The following CCDC148 variants were observed in gnomAD, a reference collection of about 807,000 sequenced individuals.
The protein encoded by CCDC148 is coiled-coil domain-containing protein 148.
CCDC148 carries 89 observed loss-of-function variants against 85.7 expected under a neutral mutation model. The observed-to-expected ratio is 1.04, with a 90% CI of 0.87 to 1.24. The LOEUF is 1.24. CCDC148 is among the 50% of genes most tolerant of loss of function. The pLI, the probability that CCDC148 is intolerant of heterozygous loss-of-function variation, is 0.00. For synonymous variants in CCDC148, 230 were observed against 213.9 expected (o/e 1.08, Z -0.66); for missense variants, 692 against 671.7 (o/e 1.03, Z -0.33).
At chr2:158,447,559 T>C (rs1688211772) in intron 1 of CCDC148, 1 of 152,238 alleles carries the variant, frequency 6.6e-6, no homozygotes, top group Admixed American at 6.5e-5. Flanking sequence ...TTTCACATCT[T>C]TGTCATCACT....
chr2:158,364,099 A>G (rs1574699701), intron 1 of CCDC148, among the ~76,000 whole-genome samples: 1 of 152,344 alleles, frequency 6.6e-6, no homozygotes, highest in South Asian at 2.1e-4. Flanking sequence ...AATACAACTT[A>G]CAAGTGATGT....
chr2:158,392,034 A>G (rs1379793804), intron 1 of CCDC148, among the ~76,000 whole-genome samples: 1 of 152,090 alleles, frequency 6.6e-6, no homozygotes, highest in African/African-American at 2.4e-5. Context: ...CACCAGATAA[A>G]TTCACGCTGC....
intron 11 of CCDC148, among the ~76,000 whole-genome samples, chr2:158,200,461 T>G (rs1417082383): frequency 6.6e-6 from 1 of 152,232 alleles, no homozygotes; most frequent in African/African-American, 2.4e-5. Context: ...TAAATAAAGT[T>G]TTATTGGCAC....
chr2:158,294,729 C>T (rs1451759337), intron 9 of CCDC148, among the ~76,000 whole-genome samples: 1 of 148,820 alleles, frequency 6.7e-6, no homozygotes, highest in Non-Finnish European at 1.5e-5. Context: ...GAGGCTGAGG[C>T]ATGAGAATTG....
At chr2:158,362,688 T>C (rs1684014068) in intron 1 of CCDC148, among the ~76,000 whole-genome samples, 1 of 152,090 alleles carries the variant, frequency 6.6e-6, no homozygotes, top group South Asian at 2.1e-4. Flanking sequence ...GGGAAATTGA[T>C]AGCACTAAAT....
chr2:158,240,913 T>C lies in CCDC148; in HGVS notation c.1251+9859A>G, dbSNP rs184407642. 4.6e-5 allele frequency among the ~76,000 whole-genome samples: 7 copies of C among 152,328 alleles called. No homozygotes were observed. In the East Asian group the frequency reaches 1.3e-3, roughly 29 times the overall value. The stretch of plus-strand genomic sequence containing the variant: ...CTATACTCTAAGGCCTGAACTTTGA[T>C]TAGCTATAGCAAAACTAATCACTTC... On this transcript the variant is annotated intron_variant, in intron 10 of 13. Transcript: ENST00000283233.
chr2:158,410,596 A>G (rs1181872241), intron 1 of CCDC148, among the ~76,000 whole-genome samples: 2 of 152,182 alleles, frequency 1.3e-5, no homozygotes, highest in Non-Finnish European at 2.9e-5. Context: ...AATCGATATC[A>G]ACAACTTCAA....
intron 2 of CCDC148, among the ~76,000 whole-genome samples, chr2:158,352,578 A>G (rs1332828915): frequency 1.3e-5 from 2 of 152,158 alleles, no homozygotes; most frequent in African/African-American, 4.8e-5. Flanking sequence ...GGACTATGTG[A>G]AAAGACCAAA....
chr2:158,231,723 CAT>C (rs1687865612), intron 10 of CCDC148, among the ~76,000 whole-genome samples: 1 of 152,152 alleles, frequency 6.6e-6, no homozygotes, highest in African/African-American at 2.4e-5. Flanking sequence ...ATGTCTAACA[CAT>C]AAGAGGGTAT....
intron 1 of CCDC148, among the ~76,000 whole-genome samples, chr2:158,361,996 C>CAAAA (rs201419924): frequency 3.6e-5 from 4 of 109,990 alleles, no homozygotes; most frequent in Admixed American, 9.7e-5. Flanking sequence ...AATGGAAAGC[C>CAAAA]AAAAAAAAAA....
At chr2:158,441,131 A>G (rs1029713784) in intron 1 of CCDC148, among the ~76,000 whole-genome samples, 1 of 152,162 alleles carries the variant, frequency 6.6e-6, no homozygotes. Flanking sequence ...ATATAAACAA[A>G]TAGACCAGCA....
intron 11 of CCDC148, among the ~76,000 whole-genome samples, chr2:158,189,720 G>A (rs1685329803): frequency 6.6e-6 from 1 of 151,872 alleles, no homozygotes; most frequent in African/African-American, 2.4e-5. Flanking sequence ...AGCAAGAATG[G>A]TCAAGTAAAC....
intron 12 of CCDC148, among the ~76,000 whole-genome samples, chr2:158,177,418 A>G (rs1361489390): frequency 6.6e-6 from 1 of 152,128 alleles, no homozygotes; most frequent in African/African-American, 2.4e-5. Flanking sequence ...GACTGTAATA[A>G]AATAACTGAG....
intron 7 of CCDC148, among the ~76,000 whole-genome samples, chr2:158,330,860 C>A (rs1473631676): frequency 6.6e-6 from 1 of 152,060 alleles, no homozygotes; most frequent in African/African-American, 2.4e-5. Flanking sequence ...GTGATATCCC[C>A]TTTATCATTT....
chr2:158,398,659 C>T (rs1559119945), intron 1 of CCDC148, among the ~76,000 whole-genome samples: 1 of 149,938 alleles, frequency 6.7e-6, no homozygotes, highest in African/African-American at 2.5e-5. Flanking sequence ...GCACTAAAAG[C>T]CAAGAGAAAG....
chr2:158,317,357 T>C (rs892508131), intron 7 of CCDC148, among the ~76,000 whole-genome samples: 1 of 152,182 alleles, frequency 6.6e-6, no homozygotes, highest in African/African-American at 2.4e-5. Flanking sequence ...TTGAGTACTT[T>C]GAACACTTCA....
chr2:158,374,008 A>G (rs1276873859), intron 1 of CCDC148, among the ~76,000 whole-genome samples: 2 of 152,106 alleles, frequency 1.3e-5, no homozygotes, highest in Non-Finnish European at 2.9e-5. Context: ...TATAGATCAC[A>G]GTCCTGCACC....
At chr2:158,263,957 AG>A (rs1689345708) in intron 9 of CCDC148, among the ~76,000 whole-genome samples, 1 of 151,904 alleles carries the variant, frequency 6.6e-6, no homozygotes, top group Non-Finnish European at 1.5e-5. Context: ...TTAAATGTAC[AG>A]GTTTACATTA....
intron 1 of CCDC148, among the ~76,000 whole-genome samples, chr2:158,443,961 C>T (rs1688054445): frequency 6.6e-6 from 1 of 152,124 alleles, no homozygotes; most frequent in Admixed American, 6.5e-5. Flanking sequence ...ATTTTAGGAA[C>T]ATAAAAAATA....
Sources: gnomAD v4.1 joint callset for allele counts (sites outside exome capture counted in the v4.1 genomes callset) on GRCh38, gnomAD v4.1.1 for gene constraint, MANE v1.5 for transcripts, NCBI Gene and HGNC (gene_info 2026-07-23, HGNC 2026-07-21) for gene names.